The following PKIG variants were observed in gnomAD, a reference collection of about 807,000 sequenced individuals.
The protein encoded by PKIG is cAMP-dependent protein kinase inhibitor gamma, also known as protein kinase (cAMP-dependent, catalytic) inhibitor gamma.
In PKIG, 1 loss-of-function variant was observed where a neutral mutation model predicts 6.8. The ratio of observed to expected loss-of-function variants is 0.15; its 90% CI spans 0.05 to 0.69. The LOEUF is 0.69. Ranked by LOEUF, PKIG falls within the 30% of genes least tolerant of loss-of-function variation. The pLI is 0.82. For missense variants in PKIG, 77 were observed against 104.0 expected (o/e 0.74, Z 1.13); for synonymous variants, 39 against 43.0 (o/e 0.91, Z 0.36).
At chr20:44,611,110 A>G (rs1007767340) in intron 2 of PKIG, among the ~76,000 whole-genome samples, 3 of 144,758 alleles carry the variant, frequency 2.1e-5, no homozygotes, top group Non-Finnish European at 4.5e-5. Context: ...GGTGGAGTGC[A>G]GTGGCGTGAT....
intron 1 of PKIG, among the ~76,000 whole-genome samples, chr20:44,587,672 A>T (rs886179375): frequency 2.0e-5 from 3 of 152,184 alleles, no homozygotes; most frequent in African/African-American, 7.2e-5. Context: ...AGAAAAACAC[A>T]CTTAAAATAA....
chr20:44,585,103 G>A (rs1332747912), intron 1 of PKIG: 1 of 152,410 alleles, frequency 6.6e-6, no homozygotes, highest in African/African-American at 2.4e-5. Context: ...TCCTAAGGTG[G>A]TGGTGAGGAG....
intron 1 of PKIG, among the ~76,000 whole-genome samples, chr20:44,586,742 C>T (rs1568823419): frequency 6.6e-6 from 1 of 152,228 alleles, no homozygotes; most frequent in Non-Finnish European, 1.5e-5. Flanking sequence ...GCTGAGCTCA[C>T]TACCTCCTGG....
intron 3 of PKIG, among the ~76,000 whole-genome samples, chr20:44,615,345 A>G (rs1056022875): frequency 7.9e-5 from 12 of 152,154 alleles, no homozygotes; most frequent in African/African-American, 2.7e-4. Context: ...GCCTTCCCCA[A>G]TCACATGACC....
intron 2 of PKIG, among the ~76,000 whole-genome samples, chr20:44,607,339 G>A (rs1290368435): frequency 6.8e-6 from 1 of 147,350 alleles, no homozygotes; most frequent in Non-Finnish European, 1.5e-5. Flanking sequence ...GTGTTTGTGT[G>A]TGTATATGTG....
chr20:44,585,687 C>A (rs1397649193), intron 1 of PKIG, among the ~76,000 whole-genome samples: 1 of 152,256 alleles, frequency 6.6e-6, no homozygotes, highest in Non-Finnish European at 1.5e-5. Flanking sequence ...GACAAGTGAA[C>A]TCTAGTCAGA....
chr20:44,550,827 C>G (rs933609649), intron 1 of PKIG, among the ~76,000 whole-genome samples: 3 of 152,078 alleles, frequency 2.0e-5, no homozygotes, highest in African/African-American at 7.2e-5. Context: ...ATTATGACCT[C>G]TCACTTAATG....
Position 44,618,551 on chromosome 20 carries a change from G to A in PKIG, c.*187G>A. ...GAAAGCCCTCTGCCCACACCCACAG[G>A]CTTCACATTCCCACCACCTTCGCAC... is the stretch of plus-strand genomic sequence containing the variant. On this transcript the variant is annotated 3_prime_UTR_variant, in exon 4 of 4. Transcript: ENST00000372886. 1 of 562,734 alleles carries A rather than the reference G, an allele frequency of 1.8e-6. No homozygotes were observed. Among genetic ancestry groups the A allele is most frequent in the Non-Finnish European group, 3.2e-6 (1 of 312,280 alleles). The allele number at this position is 562,734 out of a possible 1,614,324, so 34.9% of individuals were successfully genotyped here.
At chr20:44,546,482 T>C (rs2064614935) in intron 1 of PKIG, among the ~76,000 whole-genome samples, 3 of 152,162 alleles carry the variant, frequency 2.0e-5, no homozygotes, top group Non-Finnish European at 4.4e-5. Flanking sequence ...GGCCTTATTG[T>C]TGGTCATTAT....
chr20:44,595,095 G>C (rs940764115), intron 2 of PKIG, among the ~76,000 whole-genome samples: 1 of 152,244 alleles, frequency 6.6e-6, no homozygotes, highest in Non-Finnish European at 1.5e-5. Context: ...TGTGCTGGGA[G>C]AGTTGAGGTC....
At chr20:44,580,015 G>A (rs1001776846), upstream of PKIG, among the ~76,000 whole-genome samples, 10 of 152,166 alleles carry the variant, frequency 6.6e-5, no homozygotes, top group African/African-American at 2.4e-4. Flanking sequence ...TACTCATCGT[G>A]ACATTCTGGA....
intron 1 of PKIG, among the ~76,000 whole-genome samples, chr20:44,557,044 C>T (rs1006241881): frequency 5.9e-5 from 9 of 152,040 alleles, no homozygotes; most frequent in Non-Finnish European, 1.0e-4. Flanking sequence ...AAAAGGGGGC[C>T]ATGCATCTAT....
chr20:44,577,571 A>T (rs2064909934), intron 1 of PKIG, among the ~76,000 whole-genome samples: 1 of 152,152 alleles, frequency 6.6e-6, no homozygotes, highest in Non-Finnish European at 1.5e-5. Flanking sequence ...AGCAATTATG[A>T]TTATAATTGG....
intron 2 of PKIG, among the ~76,000 whole-genome samples, chr20:44,611,052 C>CT (rs537375490): frequency 0.066 from 8,728 of 132,842 alleles, 470 homozygotes; most frequent in African/African-American, 0.14. Flanking sequence ...TATAGAATGC[C>CT]TTTTTTTTTT....
chr20:44,614,759 G>C lies in PKIG; in HGVS notation c.151+52G>C, dbSNP rs1467651110. The C allele has an allele frequency of 1.3e-6, 2 of 1,598,592 alleles. No homozygotes were observed. Among genetic ancestry groups the C allele is most frequent in the Admixed American group, 3.4e-5 (2 of 59,402 alleles). Reference sequence around the variant, plus strand: ...ACTGCATGCCAGAGGCCCTCTGCCGGGCCCCGGGCTAGCCTCCAAGTCCTA... The same window carrying C: ...ACTGCATGCCAGAGGCCCTCTGCCGCGCCCCGGGCTAGCCTCCAAGTCCTA... On this transcript the variant is annotated intron_variant, in intron 3 of 3. Transcript: ENST00000372886. The surrounding 1 kb of genome is among the most constrained non-coding windows in gnomAD (Gnocchi z 4.6).
intron 1 of PKIG, among the ~76,000 whole-genome samples, chr20:44,545,647 C>G (rs902693121): frequency 1.3e-5 from 2 of 151,160 alleles, no homozygotes; most frequent in Non-Finnish European, 2.9e-5. Context: ...AGTGAGACCC[C>G]GTCTCTACAA....
intron 1 of PKIG, among the ~76,000 whole-genome samples, chr20:44,549,914 T>C (rs187756883): frequency 6.6e-6 from 1 of 152,178 alleles, no homozygotes; most frequent in East Asian, 1.9e-4. Flanking sequence ...TTGATAATAT[T>C]ATATCTCTTT....
At chr20:44,585,391 G>A (rs1568822708) in intron 1 of PKIG, among the ~76,000 whole-genome samples, 1 of 152,184 alleles carries the variant, frequency 6.6e-6, no homozygotes, top group Non-Finnish European at 1.5e-5. Flanking sequence ...TTTGGCTTTG[G>A]TATCTTCCTG....
intron 2 of PKIG, among the ~76,000 whole-genome samples, chr20:44,595,029 G>A (rs937468069): frequency 6.6e-6 from 1 of 152,182 alleles, no homozygotes; most frequent in African/African-American, 2.4e-5. Flanking sequence ...TGCAGCAGTC[G>A]GCTCCCAGGA....
Sources: allele counts gnomAD v4.1 joint callset (sites outside exome capture counted in the v4.1 genomes callset), GRCh38; gene constraint gnomAD v4.1.1; non-coding constraint Gnocchi (gnomAD v3.1); transcripts MANE v1.5; gene names NCBI Gene and HGNC (gene_info 2026-07-23, HGNC 2026-07-21).